NUP160: variants seen among roughly 807,000 people sequenced by gnomAD.
NUP160 encodes the protein nucleoporin 160, also known as nuclear pore complex protein Nup160.
NUP160 carries 94 observed loss-of-function variants against 196.9 expected under a neutral mutation model. The observed-to-expected ratio is 0.48, with a 90% CI of 0.40 to 0.57. The LOEUF is 0.57. Ranked by LOEUF, NUP160 falls within the 20% of genes least tolerant of loss-of-function variation. The pLI, the probability that NUP160 is intolerant of heterozygous loss-of-function variation, is 0.00. For missense variants in NUP160, 1,638 were observed against 1,748.3 expected (o/e 0.94, Z 1.13); for synonymous variants, 605 against 619.7 (o/e 0.98, Z 0.35).
chr11:47,782,640 TTTTA>T (rs1227788752), intron 34 of NUP160, among the ~76,000 whole-genome samples: 2 of 151,648 alleles, frequency 1.3e-5, no homozygotes, highest in African/African-American at 4.8e-5. Context: ...TGTATGAGTA[TTTTA>T]TTTATTTATT....
In NUP160 at chr11:47,846,888, G is replaced by T. The variant is rs114096768; in HGVS notation, c.314+960C>A. ...AAGTTGTGAACACAGTATCCGATAG[G>T]TTTTCCAACCTTTGCTCCCCTCCCT... On this transcript the variant is annotated intron_variant, in intron 2 of 35. Coordinates refer to ENST00000378460, the Ensembl canonical transcript of NUP160. Among the ~76,000 whole-genome samples, 1,431 of 152,246 alleles carry T rather than the reference G, an allele frequency of 9.4e-3. 27 individuals are homozygous for T. The highest frequency in any genetic ancestry group is 0.033 in the African/African-American group (1,369 of 41,538).
chr11:47,805,016 T>G (rs2097676615), intron 20 of NUP160, among the ~76,000 whole-genome samples: 1 of 152,198 alleles, frequency 6.6e-6, no homozygotes, highest in Non-Finnish European at 1.5e-5. Context: ...TTCCTGGGTG[T>G]TCATTTTCAA....
chr11:47,820,841 C>T (rs1851842310), intron 9 of NUP160, among the ~76,000 whole-genome samples: 1 of 152,118 alleles, frequency 6.6e-6, no homozygotes, highest in African/African-American at 2.4e-5. Flanking sequence ...TGAGCCACCG[C>T]ACCTGGCCAC....
chr11:47,814,901 G>T (rs2097683422), intron 13 of NUP160, among the ~76,000 whole-genome samples: 1 of 152,108 alleles, frequency 6.6e-6, no homozygotes, highest in Non-Finnish European at 1.5e-5. Context: ...TGCTATTCTT[G>T]TAACTCTTAC....
intron 27 of NUP160, among the ~76,000 whole-genome samples, chr11:47,795,365 TATA>T (rs1484411624): frequency 1.2e-4 from 18 of 152,350 alleles, no homozygotes; most frequent in Admixed American, 7.8e-4. Flanking sequence ...AGCAGGTTGA[TATA>T]ATGTTATTGT....
At chr11:47,790,060 C>G (rs1057326333) in intron 29 of NUP160, among the ~76,000 whole-genome samples, 17 of 151,228 alleles carry the variant, frequency 1.1e-4, no homozygotes, top group African/African-American at 3.9e-4. Flanking sequence ...ATGTTTCTGC[C>G]TCAGCCTCCC....
At chr11:47,825,247 G>A (rs1851945423) in intron 7 of NUP160, among the ~76,000 whole-genome samples, 2 of 152,016 alleles carry the variant, frequency 1.3e-5, no homozygotes, top group Admixed American at 6.6e-5. Flanking sequence ...TGGGACTGCA[G>A]GAGTGAGTTA....
At chr11:47,831,327 G>C (rs1852068451) in intron 7 of NUP160, among the ~76,000 whole-genome samples, 1 of 151,940 alleles carries the variant, frequency 6.6e-6, no homozygotes, top group Admixed American at 6.6e-5. Flanking sequence ...ATACCCACTA[G>C]GATATCTAGA....
intron 4 of NUP160, among the ~76,000 whole-genome samples, chr11:47,839,172 A>G (rs1599348489): frequency 6.6e-6 from 1 of 150,592 alleles, no homozygotes; most frequent in Non-Finnish European, 1.5e-5. Flanking sequence ...GCTTATCGCA[A>G]CCTCCACCTC....
At chr11:47,797,108 A>T (rs1052249851) in intron 27 of NUP160, among the ~76,000 whole-genome samples, 1 of 151,738 alleles carries the variant, frequency 6.6e-6, no homozygotes, top group Non-Finnish European at 1.5e-5. Context: ...ACCTAAGCAC[A>T]TTTAAGCAGT....
At chr11:47,818,021 T>TTA (rs770296287) in intron 11 of NUP160, 35 bp downstream of exon 11, 42 of 1,313,684 alleles carry the variant, frequency 3.2e-5, no homozygotes, top group Non-Finnish European at 4.5e-5. Flanking sequence ...AAATAAGAAA[T>TTA]AGTCTTAAAC....
chr11:47,807,133 T>G, exon 19 of NUP160: 1 of 1,608,158 alleles, frequency 6.2e-7, no homozygotes, highest in Non-Finnish European at 8.5e-7. Context: ...TGTTGGAGAT[T>G]AGACTCCCTG....
At chr11:47,833,489 T>C (rs1207147101) in intron 7 of NUP160, among the ~76,000 whole-genome samples, 12 of 150,970 alleles carry the variant, frequency 7.9e-5, no homozygotes, top group Admixed American at 7.9e-4. Flanking sequence ...AAAGTGAACC[T>C]GTCATTTCAG....
intron 1 of NUP160, 26 bp downstream of exon 1, chr11:47,848,193 C>A (rs1852439479): frequency 6.2e-7 from 1 of 1,612,434 alleles, no homozygotes; most frequent in Admixed American, 1.7e-5. Context: ...CAGATGGGAT[C>A]GCACCCTCCC....
exon 28 of NUP160, chr11:47,792,818 C>A (rs1382333719): frequency 3.1e-6 from 5 of 1,614,070 alleles, no homozygotes; most frequent in Non-Finnish European, 4.2e-6. Flanking sequence ...ACAATCCACG[C>A]ATATTCTGGA....
At chr11:47,800,105 T>C (rs1308127313) in intron 23 of NUP160, among the ~76,000 whole-genome samples, 1 of 151,678 alleles carries the variant, frequency 6.6e-6, no homozygotes, top group African/African-American at 2.4e-5. Context: ...AATACAAAAA[T>C]TAGTGGGGTG....
chr11:47,836,947 C>G, exon 6 of NUP160: 2 of 1,613,856 alleles, frequency 1.2e-6, no homozygotes, highest in South Asian at 2.2e-5. Flanking sequence ...AGGCATCATG[C>G]TCCACACAAT....
chr11:47,825,807 C>T (rs577677070), intron 7 of NUP160, among the ~76,000 whole-genome samples: 1 of 152,262 alleles, frequency 6.6e-6, no homozygotes, highest in East Asian at 1.9e-4. Context: ...TGGTCTCGAA[C>T]TCCTGACCTC....
At chr11:47,809,167 T>A (rs771114916) in intron 17 of NUP160, among the ~76,000 whole-genome samples, 8 of 146,604 alleles carry the variant, frequency 5.5e-5, no homozygotes, top group Non-Finnish European at 8.9e-5. Flanking sequence ...CTCAGGAAGC[T>A]GAACTGAGCC....
Sources: gnomAD v4.1 joint callset for allele counts (sites outside exome capture counted in the v4.1 genomes callset) on GRCh38, gnomAD v4.1.1 for gene constraint, MANE v1.5 for transcripts, NCBI Gene and HGNC (gene_info 2026-07-23, HGNC 2026-07-21) for gene names.